UNC80: variants seen among roughly 807,000 people sequenced by gnomAD.
The protein encoded by UNC80 is unc-80 subunit of NALCN channel complex.
A neutral mutation model predicts 384.6 loss-of-function variants in UNC80; 164 were observed. The ratio of observed to expected loss-of-function variants is 0.43; its 90% CI spans 0.38 to 0.49. UNC80 has a LOEUF of 0.49. Among genes scored for constraint, UNC80 ranks in the 20% least tolerant of loss-of-function variants. UNC80 has a pLI of 0.00. For missense variants in UNC80, 3,330 were observed against 4,143.0 expected, an observed-to-expected ratio of 0.80 and a Z score of 5.39; for synonymous variants, 1,486 against 1,527.8, an observed-to-expected ratio of 0.97 and a Z score of 0.64.
intron 31 of UNC80, 103 bp from the exon 32 acceptor site, chr2:209,917,674 A>T: frequency 7.3e-7 from 1 of 1,367,694 alleles, no homozygotes; most frequent in Non-Finnish European, 9.9e-7. Context: ...CATATAGCTC[A>T]GGAGTCATTT....
At chr2:209,834,369 T>C (rs975998756) in intron 17 of UNC80, among the ~76,000 whole-genome samples, 3 of 152,226 alleles carry the variant, frequency 2.0e-5, no homozygotes, top group Non-Finnish European at 4.4e-5. Context: ...CTGCCTCTAA[T>C]ATGAATTAGA....
intron 13 of UNC80, among the ~76,000 whole-genome samples, chr2:209,824,609 C>G (rs1207934346): frequency 1.3e-5 from 2 of 152,046 alleles, no homozygotes; most frequent in African/African-American, 2.4e-5. Context: ...AGGCACTCAT[C>G]TGAGGGCAGT....
chr2:209,978,751 C>T, intron 59 of UNC80, 43 bp downstream of exon 59: 1 of 1,452,226 alleles, frequency 6.9e-7, no homozygotes, highest in South Asian at 1.4e-5. Flanking sequence ...ATGGCCTGGC[C>T]ATACGAGCAG....
Position 209,905,007 on chromosome 2 carries a change from A to G in UNC80, c.4782+42A>G, listed in dbSNP as rs991980420. ...TGAATGATATTCTAATACTAGAAAC[A>G]TGATGTCATAACAATTTCTTCTCTG... On this transcript the variant is annotated intron_variant, in intron 29 of 64. Transcript: ENST00000673920. 3.6e-5 allele frequency: 55 copies of G among 1,537,206 alleles called. No individual in the cohort carries two copies. In the Admixed American group the frequency reaches 4.7e-4, roughly 13 times the overall value.
Position 209,878,298 on chromosome 2 carries a change from G to C in UNC80, c.3976+209G>C, listed in dbSNP as rs563727163. On this transcript the variant is annotated intron_variant, in intron 24 of 64. Transcript: ENST00000673920. ...AAGAACCAGAAAGAGAAGACAGAGAGGGGCAAGGAGCTGCAGGCAAGATGG... is the reference window on the plus strand; with the variant it reads ...AAGAACCAGAAAGAGAAGACAGAGACGGGCAAGGAGCTGCAGGCAAGATGG... Among the ~76,000 whole-genome samples, 33 of 152,290 alleles carry C rather than the reference G, an allele frequency of 2.2e-4. No homozygotes were observed. In the South Asian group the frequency reaches 6.4e-3, roughly 30 times the overall value.
intron 30 of UNC80, 101 bp from the exon 31 acceptor site, chr2:209,913,701 T>TA: frequency 7.8e-7 from 1 of 1,275,382 alleles, no homozygotes; most frequent in Non-Finnish European, 1.1e-6. Flanking sequence ...TAAGGTCACT[T>TA]AAGGCAAGCA....
chr2:209,839,904 AG>A lies in UNC80; in HGVS notation c.3250+475del, dbSNP rs1276780838. On this transcript the variant is annotated intron_variant, in intron 19 of 64. Coordinates refer to ENST00000673920, the MANE Select transcript of UNC80 (RefSeq NM_001371986.1). The surrounding 1 kb of genome is among the most constrained non-coding windows in gnomAD (Gnocchi z 4.1). ...TCCGGGATACTTGGGAGAAGGAAGGAGAGCACTCCAGGTAGCCATTATTTGC... is the reference window on the plus strand; with the variant it reads ...TCCGGGATACTTGGGAGAAGGAAGGAAGCACTCCAGGTAGCCATTATTTGC... Among the ~76,000 whole-genome samples the A allele has an allele frequency of 6.6e-6, 1 of 152,170 alleles. No homozygotes were observed. Among genetic ancestry groups the A allele is most frequent in the Non-Finnish European group, 1.5e-5 (1 of 68,044 alleles).
rs575033237 is a variant in UNC80 at position 209,909,910 on chromosome 2, C to T, written c.4783-2650C>T. On this transcript the variant is annotated intron_variant, in intron 29 of 64. Transcript: ENST00000673920. ...GCTCCCTCTGGTAGAACCACCTCAACAATGACTGAGTAGAGGAATTAATCA... is the reference window on the plus strand; with the variant it reads ...GCTCCCTCTGGTAGAACCACCTCAATAATGACTGAGTAGAGGAATTAATCA... 5.9e-5 allele frequency among the ~76,000 whole-genome samples: 9 copies of T among 152,110 alleles called. No individual in the cohort carries two copies. The East Asian group carries it at 1.8e-3, about 30-fold the overall frequency.
chr2:209,811,823 G>GA (rs923463550), intron 7 of UNC80, among the ~76,000 whole-genome samples: 3 of 152,122 alleles, frequency 2.0e-5, no homozygotes, highest in South Asian at 2.1e-4. Context: ...ATTAACAAGA[G>GA]AAAAAATAAT....
chr2:209,937,421 TCTC>T, intron 41 of UNC80, 105 bp from the exon 42 acceptor site: 1 of 811,404 alleles, frequency 1.2e-6, no homozygotes, highest in Non-Finnish European at 2.0e-6. Context: ...TAGCTGCTTT[TCTC>T]CTGGCATAGC....
chr2:209,813,667 T>C lies in UNC80; in HGVS notation c.1026T>C (p.His342=). The change falls in exon 8 of 65, where the codon CAT becomes CAC. Residue 342 remains histidine, a synonymous_variant. Coordinates refer to ENST00000673920, the MANE Select transcript of UNC80 (RefSeq NM_001371986.1). ...VAVLRCLLQP[H]WSEEGTQWSL... is the part of the protein sequence containing the mutation. ...TTCTGCGCTGCCTACTTCAGCCCCA[T>C]TGGTCTGAGGAAGGCACTCAGTGGT... 6.4e-7 allele frequency: 1 copy of C among 1,551,752 alleles called. No individual in the cohort carries two copies. Among genetic ancestry groups the C allele is most frequent in the African/African-American group, 1.4e-5 (1 of 73,142 alleles).
At position 209,815,342 on chromosome 2, in the gene UNC80, C is replaced by G. The variant is rs1228713310; in HGVS notation, c.1286C>G (p.Ser429Cys). 1.9e-6 allele frequency: 3 copies of G among 1,551,684 alleles called. No individual in the cohort carries two copies. The highest frequency in any genetic ancestry group is 2.6e-6 in the Non-Finnish European group (3 of 1,146,974). Residue 429 changes from serine to cysteine, a missense_variant, in exon 9 of 65, where the codon TCT becomes TGT. By Grantham distance (112) the Ser-to-Cys change is moderately radical. This residue lies in a region of UNC80 where 937 missense variants were observed against 1,026.8 expected (regional missense o/e 0.91). Coordinates refer to ENST00000673920, the MANE Select transcript of UNC80 (RefSeq NM_001371986.1). ...GTTTCACTGACCAATCTGCGTAGATCTGCAGTCCCAGATCTTTCTTCAGAC... is the reference window on the plus strand; with the variant it reads ...GTTTCACTGACCAATCTGCGTAGATGTGCAGTCCCAGATCTTTCTTCAGAC... ...SKVSLTNLRR[S>C]AVPDLSSDLG...
chr2:209,907,776 A>G (rs1335828349), intron 29 of UNC80, among the ~76,000 whole-genome samples: 3 of 152,222 alleles, frequency 2.0e-5, no homozygotes, highest in South Asian at 2.1e-4. Context: ...ATAACCTAAC[A>G]GAGTACTCAC....
At chr2:209,777,804 A>G (rs555369963) in intron 4 of UNC80, among the ~76,000 whole-genome samples, 4 of 152,314 alleles carry the variant, frequency 2.6e-5, no homozygotes, top group East Asian at 3.9e-4. Flanking sequence ...TGCCCAACAT[A>G]TTAAGCATAG....
chr2:209,982,133 T>TC (rs1295892007), intron 59 of UNC80, 46 bp from the exon 60 acceptor site: 1 of 1,525,172 alleles, frequency 6.6e-7, no homozygotes, highest in African/African-American at 1.4e-5. Context: ...GTTTTTCTGA[T>TC]CAGTGTCATA....
At chr2:209,880,125 T>TA (rs1553564004) in intron 24 of UNC80, among the ~76,000 whole-genome samples, 3 of 152,176 alleles carry the variant, frequency 2.0e-5, no homozygotes. Flanking sequence ...AACACGTAAA[T>TA]AATATATTTC....
At chr2:209,906,485 C>T (rs1181543095) in intron 29 of UNC80, among the ~76,000 whole-genome samples, 1 of 152,010 alleles carries the variant, frequency 6.6e-6, no homozygotes, top group Non-Finnish European at 1.5e-5. Context: ...GTTATTTTAT[C>T]CCCATTTTAC....
At position 209,894,083 on chromosome 2, in the gene UNC80, A is replaced by G. The variant is rs897289292; in HGVS notation, c.4277-80A>G. ...GGCCAGCAGAGGAGGCTGATCAGGGACAAGTTGGGGAGAGATGGATATAAC... is the reference window on the plus strand; with the variant it reads ...GGCCAGCAGAGGAGGCTGATCAGGGGCAAGTTGGGGAGAGATGGATATAAC... On this transcript the variant is annotated intron_variant, in intron 26 of 64. Transcript: ENST00000673920. 7.5e-6 allele frequency: 7 copies of G among 927,228 alleles called. No homozygotes were observed. The African/African-American group carries it at 1.3e-4, about 17-fold the overall frequency. 57.4% of individuals were successfully genotyped at this position (927,228 alleles called of 1,614,324 possible).
intron 25 of UNC80, among the ~76,000 whole-genome samples, chr2:209,884,343 A>T (rs1234209797): frequency 6.6e-6 from 1 of 152,222 alleles, no homozygotes; most frequent in East Asian, 1.9e-4. Context: ...GGAAGGTGGT[A>T]AGGAGGTCTC....
Sources: gnomAD v4.1 joint callset for allele counts (sites outside exome capture counted in the v4.1 genomes callset) on GRCh38, gnomAD v4.1.1 for gene constraint, gnomAD v4.1.1 regional missense constraint, Gnocchi (gnomAD v3.1) non-coding constraint, MANE v1.5 for transcripts, NCBI Gene and HGNC (gene_info 2026-07-23, HGNC 2026-07-21) for gene names.